TUSC3: variants seen among roughly 807,000 people sequenced by gnomAD.
The protein encoded by TUSC3 is dolichyl-diphosphooligosaccharide--protein glycosyltransferase subunit TUSC3.
Under a neutral mutation model 44.8 loss-of-function variants are expected in TUSC3, and 45 were observed. The observed-to-expected ratio is 1.00, with a 90% confidence interval of 0.79 to 1.29. The LOEUF is 1.29. Among genes scored for constraint, TUSC3 ranks in the 50% most tolerant of loss-of-function variants. The pLI, the probability that TUSC3 is intolerant of heterozygous loss-of-function variation, is 0.00. For missense variants in TUSC3, 519 were observed against 437.9 expected (o/e 1.19, Z -1.65); for synonymous variants, 212 against 152.9 (o/e 1.39, Z -2.85).
At chr8:15,612,152 TA>T (rs1315411080) in intron 1 of TUSC3, among the ~76,000 whole-genome samples, 1 of 152,166 alleles carries the variant, frequency 6.6e-6, no homozygotes, top group Non-Finnish European at 1.5e-5. Context: ...AAGCAAGTTT[TA>T]TTATGGCTAT....
chr8:15,426,687 T>C (rs1226023290), intron 1 of TUSC3, among the ~76,000 whole-genome samples: 2 of 152,240 alleles, frequency 1.3e-5, no homozygotes, highest in Non-Finnish European at 2.9e-5. Flanking sequence ...AATGTTGTAA[T>C]GAACATGGGT....
At chr8:15,826,336 C>A in the TUSC3 span, among the ~76,000 whole-genome samples, 1 of 152,086 alleles carries the variant, frequency 6.6e-6, no homozygotes, top group Admixed American at 6.6e-5. Context: ...TTCCAGACAG[C>A]GAATAAATAA....
intron 1 of TUSC3, among the ~76,000 whole-genome samples, chr8:15,445,359 T>G (rs933040561): frequency 6.6e-6 from 1 of 152,058 alleles, no homozygotes; most frequent in African/African-American, 2.4e-5. Flanking sequence ...TGGGTGTTTC[T>G]CAGAGAGGGG....
the TUSC3 span, among the ~76,000 whole-genome samples, chr8:15,802,667 C>CTT: frequency 8.7e-4 from 129 of 147,696 alleles, no homozygotes; most frequent in Admixed American, 1.6e-3. Flanking sequence ...GGATTAATTA[C>CTT]TTTTTTTTTT....
intron 5 of TUSC3, among the ~76,000 whole-genome samples, chr8:15,664,004 T>C (rs2094715160): frequency 6.6e-6 from 1 of 151,918 alleles, no homozygotes; most frequent in Admixed American, 6.6e-5. Flanking sequence ...ATTAACATCC[T>C]TACATTATTC....
rs749998335 is a variant in TUSC3 at position 15,540,385 on chromosome 8, G to C, written c.-46G>C. The C allele has an allele frequency of 1.3e-4, 195 of 1,510,112 alleles. No individual in the cohort carries two copies. Among genetic ancestry groups the C allele is most frequent in the Non-Finnish European group, 1.6e-4 (183 of 1,127,894 alleles). 93.5% of individuals were successfully genotyped at this position (1,510,112 alleles called of 1,614,324 possible). ...GCAGGCGTGGTGCGCGGTAGGAGCT[G>C]GGCGCGCACGGCTACCGCGCGTGGA... On this transcript the variant is annotated 5_prime_UTR_variant, in exon 1 of 11. Coordinates refer to ENST00000503731, the MANE Select transcript of TUSC3 (RefSeq NM_006765.4).
intron 1 of TUSC3, among the ~76,000 whole-genome samples, chr8:15,562,772 A>G (rs879916743): frequency 6.6e-6 from 1 of 152,130 alleles, no homozygotes; most frequent in Admixed American, 6.5e-5. Context: ...ATCTATAGGC[A>G]GTTCACAGCA....
intron 1 of TUSC3, among the ~76,000 whole-genome samples, chr8:15,470,624 A>G (rs905621693): frequency 1.3e-5 from 2 of 152,204 alleles, no homozygotes; most frequent in African/African-American, 4.8e-5. Flanking sequence ...GTATTTTAAA[A>G]GTAGTACACA....
chr8:15,764,267 G>A lies in TUSC3; in HGVS notation c.*111G>A, dbSNP rs557579844. On this transcript the variant is annotated 3_prime_UTR_variant, in exon 11 of 11. Coordinates refer to ENST00000503731, the MANE Select transcript of TUSC3 (RefSeq NM_006765.4). ...TGAATGTTTACCATGAAGATAAACT[G>A]TTCCTGACTTTATACTATTTTGAAT... 610 of 1,577,484 alleles carry A rather than the reference G, an allele frequency of 3.9e-4. 8 individuals carry two copies. In the South Asian group the frequency reaches 6.6e-3, roughly 17 times the overall value.
intron 9 of TUSC3, among the ~76,000 whole-genome samples, chr8:15,755,261 C>T (rs1410227193): frequency 2.6e-5 from 4 of 151,994 alleles, no homozygotes; most frequent in African/African-American, 4.8e-5. Context: ...TGTCATATGT[C>T]GTTCAACTAT....
At chr8:15,575,189 T>C (rs1418340294) in intron 1 of TUSC3, among the ~76,000 whole-genome samples, 1 of 152,110 alleles carries the variant, frequency 6.6e-6, no homozygotes, top group Admixed American at 6.6e-5. Flanking sequence ...CCTATACTAC[T>C]TTATGTTTGG....
intron 6 of TUSC3, 62 bp downstream of exon 6, chr8:15,673,898 A>C: frequency 7.2e-7 from 1 of 1,388,478 alleles, no homozygotes; most frequent in South Asian, 1.2e-5. Flanking sequence ...TAGGAATAAG[A>C]AATTATGTTT....
intron 6 of TUSC3, among the ~76,000 whole-genome samples, chr8:15,704,576 A>T (rs1337852339): frequency 1.3e-5 from 2 of 152,126 alleles, no homozygotes; most frequent in African/African-American, 2.4e-5. Flanking sequence ...TATGACAACT[A>T]CTAAACTAGA....
chr8:15,778,126 A>G, the TUSC3 span, among the ~76,000 whole-genome samples: 1 of 151,482 alleles, frequency 6.6e-6, no homozygotes, highest in Non-Finnish European at 1.5e-5. Context: ...AAACCAAAAA[A>G]CAAACCACCA....
intron 10 of TUSC3, chr8:15,758,270 C>T: frequency 1.0e-6 from 1 of 981,192 alleles, no homozygotes; most frequent in African/African-American, 1.7e-5. Flanking sequence ...AAATACAAGT[C>T]TTCCAAACAG....
intron 1 of TUSC3, among the ~76,000 whole-genome samples, chr8:15,605,593 A>C (rs1804486426): frequency 6.6e-6 from 1 of 151,876 alleles, no homozygotes; most frequent in African/African-American, 2.4e-5. Flanking sequence ...GATGGACTGC[A>C]TTGCCTTACA....
At chr8:15,806,289 G>C in the TUSC3 span, 1 of 670,926 alleles carries the variant, frequency 1.5e-6, no homozygotes, top group South Asian at 1.5e-5. Flanking sequence ...ATTGGCTAAT[G>C]TGTACACCAC....
At chr8:15,804,049 C>T in the TUSC3 span, among the ~76,000 whole-genome samples, 1 of 152,068 alleles carries the variant, frequency 6.6e-6, no homozygotes, top group African/African-American at 2.4e-5. Flanking sequence ...ATTTATAATC[C>T]TTTGGGTATA....
intron 1 of TUSC3, among the ~76,000 whole-genome samples, chr8:15,471,618 GA>G (rs1800495412): frequency 1.4e-5 from 2 of 145,412 alleles, no homozygotes; most frequent in Admixed American, 6.9e-5. Context: ...TTCCAGTTCT[GA>G]TTTTTTTTTT....
Sources: allele counts gnomAD v4.1 joint callset (sites outside exome capture counted in the v4.1 genomes callset), GRCh38; gene constraint gnomAD v4.1.1; transcripts MANE v1.5; gene names NCBI Gene and HGNC (gene_info 2026-07-23, HGNC 2026-07-21).